Variants in NLGN1 observed in about 807,000 individuals in gnomAD.
NLGN1 encodes neuroligin 1.
NLGN1 carries 12 observed loss-of-function variants against 65.5 expected under a neutral mutation model. The ratio of observed to expected loss-of-function variants is 0.18; its 90% CI spans 0.12 to 0.30. The LOEUF (loss-of-function observed/expected upper bound fraction) is 0.30, where lower values mean the gene tolerates loss of function less well. Among genes scored for constraint, NLGN1 ranks in the 10% least tolerant of loss-of-function variants. The probability of loss-of-function intolerance (pLI) is 1.00; values close to 1 mark genes in which losing one functional copy is unlikely to be tolerated. For synonymous variants in NLGN1, 350 were observed against 359.5 expected, an observed-to-expected ratio of 0.97 and a Z score of 0.30; for missense variants, 750 against 1,007.1, an observed-to-expected ratio of 0.74 and a Z score of 3.46.
At chr3:174,037,948 A>G (rs1456397864) in intron 4 of NLGN1, among the ~76,000 whole-genome samples, 3 of 151,832 alleles carry the variant, frequency 2.0e-5, no homozygotes, top group East Asian at 3.9e-4. Flanking sequence ...TGTCGATGCA[A>G]AAAGGGCAGA....
chr3:173,477,000 T>C (rs1472455321), intron 2 of NLGN1, among the ~76,000 whole-genome samples: 1 of 152,014 alleles, frequency 6.6e-6, no homozygotes, highest in Admixed American at 6.6e-5. Flanking sequence ...AAGAACAGAT[T>C]GTAGAAGAGT....
chr3:173,751,024 A>G (rs770221820), intron 3 of NLGN1, among the ~76,000 whole-genome samples: 27 of 152,084 alleles, frequency 1.8e-4, no homozygotes, highest in Non-Finnish European at 3.5e-4. Context: ...TATAATAGGA[A>G]CACATTTCAA....
chr3:173,623,800 A>T (rs1384094323), intron 3 of NLGN1, among the ~76,000 whole-genome samples: 1 of 152,138 alleles, frequency 6.6e-6, no homozygotes, highest in Non-Finnish European at 1.5e-5. Flanking sequence ...TAGATTGATG[A>T]TACAAGAGAC....
At chr3:173,402,898 A>G (rs1002457456) in intron 1 of NLGN1, among the ~76,000 whole-genome samples, 5 of 152,134 alleles carry the variant, frequency 3.3e-5, no homozygotes, top group African/African-American at 1.2e-4. Context: ...GCTGGGGAAG[A>G]GGTCTGTTTT....
chr3:173,728,700 A>G (rs1227641590), intron 3 of NLGN1, among the ~76,000 whole-genome samples: 1 of 152,136 alleles, frequency 6.6e-6, no homozygotes, highest in Non-Finnish European at 1.5e-5. Context: ...GGGAAGAACA[A>G]CATGTGAAAA....
chr3:173,584,399 ATTTTTTTTTTTT>A (rs66827074), intron 2 of NLGN1, among the ~76,000 whole-genome samples: 37 of 30,826 alleles, frequency 1.2e-3, no homozygotes, highest in South Asian at 4.3e-3. Context: ...GGTCCTCGGC[ATTTTTTTTTTTT>A]TTTTTTTTTT....
At chr3:174,184,568 A>C (rs562568457) in intron 4 of NLGN1, among the ~76,000 whole-genome samples, 1 of 152,288 alleles carries the variant, frequency 6.6e-6, no homozygotes, top group Non-Finnish European at 1.5e-5. Context: ...AAGCTGAATA[A>C]AAGTGAGTTA....
chr3:174,047,488 T>C (rs1733877987), intron 4 of NLGN1, among the ~76,000 whole-genome samples: 1 of 152,192 alleles, frequency 6.6e-6, no homozygotes, highest in Admixed American at 6.5e-5. Context: ...CATATGCACA[T>C]ACTATTGTAT....
intron 4 of NLGN1, among the ~76,000 whole-genome samples, chr3:173,842,226 A>G (rs1334529468): frequency 6.6e-6 from 1 of 152,004 alleles, no homozygotes; most frequent in Non-Finnish European, 1.5e-5. Flanking sequence ...TAATTCAATC[A>G]CCTCCCACCA....
intron 3 of NLGN1, among the ~76,000 whole-genome samples, chr3:173,688,930 G>C (rs1765057777): frequency 6.6e-6 from 1 of 152,154 alleles, no homozygotes; most frequent in African/African-American, 2.4e-5. Flanking sequence ...GGGTTTTTCT[G>C]TTTTGGCATC....
At chr3:173,751,387 A>G (rs1776278444) in intron 3 of NLGN1, among the ~76,000 whole-genome samples, 1 of 152,118 alleles carries the variant, frequency 6.6e-6, no homozygotes, top group Non-Finnish European at 1.5e-5. Context: ...ATTTAATCTA[A>G]CATTGATTAA....
chr3:173,917,975 A>C (rs1357577365), intron 4 of NLGN1, among the ~76,000 whole-genome samples: 1 of 152,052 alleles, frequency 6.6e-6, no homozygotes, highest in Non-Finnish European at 1.5e-5. Context: ...TGTAAGTTAA[A>C]CTTTTAAATT....
At chr3:174,247,524 C>T (rs1292184330) in intron 4 of NLGN1, among the ~76,000 whole-genome samples, 1 of 152,230 alleles carries the variant, frequency 6.6e-6, no homozygotes, top group Non-Finnish European at 1.5e-5. Flanking sequence ...TCTACCTCTA[C>T]ACCGTATTCA....
intron 4 of NLGN1, among the ~76,000 whole-genome samples, chr3:174,138,175 A>C (rs1721567529): frequency 6.6e-6 from 1 of 152,206 alleles, no homozygotes; most frequent in Non-Finnish European, 1.5e-5. Flanking sequence ...GTTTGGTCTC[A>C]AAGGAATTTA....
chr3:173,546,124 A>T (rs1739786824), intron 2 of NLGN1, among the ~76,000 whole-genome samples: 1 of 152,188 alleles, frequency 6.6e-6, no homozygotes, highest in African/African-American at 2.4e-5. Flanking sequence ...TTGATCAAAG[A>T]TATGAAGCCC....
intron 3 of NLGN1, among the ~76,000 whole-genome samples, chr3:173,691,796 G>A (rs891800332): frequency 6.6e-6 from 1 of 151,962 alleles, no homozygotes; most frequent in Non-Finnish European, 1.5e-5. Flanking sequence ...CAAAGAAAAT[G>A]AAACAACGGC....
At chr3:173,496,786 TTTAA>T (rs1730095253) in intron 2 of NLGN1, among the ~76,000 whole-genome samples, 1 of 151,938 alleles carries the variant, frequency 6.6e-6, no homozygotes, top group Non-Finnish European at 1.5e-5. Context: ...TAGAATAAGA[TTTAA>T]AGAAATAAGA....
intron 3 of NLGN1, among the ~76,000 whole-genome samples, chr3:173,705,932 A>T (rs186648389): frequency 6.6e-6 from 1 of 152,202 alleles, no homozygotes; most frequent in African/African-American, 2.4e-5. Context: ...AAAATTCTAA[A>T]TAAGGTTGAG....
downstream of NLGN1, among the ~76,000 whole-genome samples, chr3:174,289,813 A>G (rs180802206): frequency 1.3e-5 from 2 of 150,308 alleles, no homozygotes; most frequent in African/African-American, 4.8e-5. Context: ...GACTCTCACC[A>G]ATTTGCATAT....
Sources: gnomAD v4.1 joint callset for allele counts (sites outside exome capture counted in the v4.1 genomes callset) on GRCh38, gnomAD v4.1.1 for gene constraint, MANE v1.5 for transcripts, NCBI Gene and HGNC (gene_info 2026-07-23, HGNC 2026-07-21) for gene names.